NEK7: variants seen among roughly 807,000 people sequenced by gnomAD.
NEK7 encodes the protein serine/threonine-protein kinase Nek7.
NEK7 carries 18 observed loss-of-function variants against 44.6 expected under a neutral mutation model. That is an observed-to-expected ratio of 0.40 (90% CI 0.28 to 0.60). NEK7 has a LOEUF of 0.60. NEK7 is among the 20% of genes least tolerant of loss of function. The pLI is 0.38. For synonymous variants in NEK7, 130 were observed against 121.1 expected, an observed-to-expected ratio of 1.07 and a Z score of -0.48; for missense variants, 256 against 366.5, an observed-to-expected ratio of 0.70 and a Z score of 2.46.
chr1:198,160,903 T>G (rs1040087532), intron 1 of NEK7, among the ~76,000 whole-genome samples: 4 of 152,238 alleles, frequency 2.6e-5, no homozygotes, highest in Non-Finnish European at 4.4e-5. Flanking sequence ...AAATTTTTTT[T>G]ATTCTGAAGA....
chr1:198,309,806 G>A (rs927325245), intron 9 of NEK7, among the ~76,000 whole-genome samples: 2 of 152,170 alleles, frequency 1.3e-5, no homozygotes, highest in Non-Finnish European at 2.9e-5. Flanking sequence ...GTATTCCATG[G>A]TGTATATGTG....
chr1:198,160,031 T>C (rs528835101), intron 1 of NEK7, among the ~76,000 whole-genome samples: 1 of 152,272 alleles, frequency 6.6e-6, no homozygotes, highest in Non-Finnish European at 1.5e-5. Context: ...CCCTCAATTA[T>C]TGCGCATTTA....
chr1:198,196,023 T>A (rs1230322552), intron 1 of NEK7, among the ~76,000 whole-genome samples: 1 of 152,250 alleles, frequency 6.6e-6, no homozygotes, highest in Non-Finnish European at 1.5e-5. Flanking sequence ...GACATTTTTC[T>A]TCGCAGATTT....
intron 7 of NEK7, 23 bp downstream of exon 7, chr1:198,279,084 A>C: frequency 7.2e-7 from 1 of 1,389,834 alleles, no homozygotes; most frequent in Non-Finnish European, 1.0e-6. Flanking sequence ...ATATAATTTC[A>C]TTCAGTTACT....
At chr1:198,186,327 C>T (rs921848931) in intron 1 of NEK7, among the ~76,000 whole-genome samples, 2 of 152,098 alleles carry the variant, frequency 1.3e-5, no homozygotes, top group Non-Finnish European at 2.9e-5. Context: ...ATTAAACTTC[C>T]CTTTACCTTT....
At chr1:198,219,920 G>A (rs1666036588) in intron 1 of NEK7, among the ~76,000 whole-genome samples, 1 of 104,588 alleles carries the variant, frequency 9.6e-6, no homozygotes, top group South Asian at 3.9e-4. Context: ...TAATTAATAT[G>A]TGCTTTTTTG....
At chr1:198,296,736 A>G (rs1301715363) in intron 8 of NEK7, among the ~76,000 whole-genome samples, 1 of 152,110 alleles carries the variant, frequency 6.6e-6, no homozygotes, top group Non-Finnish European at 1.5e-5. Flanking sequence ...CTTCAGTTTC[A>G]TGTTTGTTCT....
At chr1:198,173,353 A>G (rs989620191) in intron 1 of NEK7, among the ~76,000 whole-genome samples, 2 of 151,824 alleles carry the variant, frequency 1.3e-5, no homozygotes, top group African/African-American at 4.8e-5. Context: ...TGCTTGAGCA[A>G]AGGAGTTTGA....
intron 9 of NEK7, among the ~76,000 whole-genome samples, chr1:198,318,097 T>C (rs1229713591): frequency 6.6e-6 from 1 of 152,142 alleles, no homozygotes; most frequent in East Asian, 1.9e-4. Context: ...AATTTCCAAG[T>C]GTAGCTAAAA....
intron 9 of NEK7, among the ~76,000 whole-genome samples, chr1:198,314,653 A>T (rs577670977): frequency 2.0e-5 from 3 of 152,112 alleles, no homozygotes; most frequent in Non-Finnish European, 4.4e-5. Flanking sequence ...CTTCTAACAG[A>T]CAGGACCCTC....
intron 5 of NEK7, among the ~76,000 whole-genome samples, chr1:198,275,439 T>TA (rs935214543): frequency 1.3e-5 from 2 of 151,366 alleles, no homozygotes; most frequent in Non-Finnish European, 3.0e-5. Context: ...ATTGCTATAT[T>TA]AAAAACTTAC....
chr1:198,266,104 T>C (rs1461783710), intron 5 of NEK7, among the ~76,000 whole-genome samples: 1 of 152,206 alleles, frequency 6.6e-6, no homozygotes, highest in South Asian at 2.1e-4. Context: ...ACTAATACAT[T>C]TATTCTTTCT....
intron 3 of NEK7, among the ~76,000 whole-genome samples, chr1:198,256,880 A>G (rs189033724): frequency 4.9e-4 from 74 of 152,294 alleles, no homozygotes; most frequent in Admixed American, 2.0e-4. Flanking sequence ...GATCTGGTAT[A>G]TGCAATCTCT....
At chr1:198,212,454 G>A (rs972669991) in intron 1 of NEK7, among the ~76,000 whole-genome samples, 1 of 152,222 alleles carries the variant, frequency 6.6e-6, no homozygotes, top group African/African-American at 2.4e-5. Flanking sequence ...ACTGCCGCCT[G>A]CTAATCCCCA....
chr1:198,310,049 C>A (rs918609928), intron 9 of NEK7, among the ~76,000 whole-genome samples: 11 of 151,608 alleles, frequency 7.3e-5, no homozygotes, highest in South Asian at 2.1e-4. Flanking sequence ...AACTAGTTTA[C>A]AGTCCCACCA....
At chr1:198,242,328 C>T (rs1460540554) in intron 2 of NEK7, among the ~76,000 whole-genome samples, 3 of 151,938 alleles carry the variant, frequency 2.0e-5, no homozygotes, top group African/African-American at 4.8e-5. Flanking sequence ...AAACCCAGAC[C>T]CCCTTACTCC....
Position 198,226,855 on chromosome 1 carries a change from G to C in NEK7, c.-28-5698G>C, listed in dbSNP as rs150430466. On this transcript the variant is annotated intron_variant, in intron 1 of 9. Coordinates refer to ENST00000367385, the MANE Select transcript of NEK7 (RefSeq NM_133494.3). ...ATAAAGAAATTCTCTGACCTGCTTT[G>C]TCTGATTGTAGATCTTTTTTTTTTC... is the stretch of plus-strand genomic sequence containing the variant. Among the ~76,000 whole-genome samples the C allele has an allele frequency of 9.0e-3, 1,044 of 116,624 alleles. 10 individuals carry two copies. The highest frequency in any genetic ancestry group is 0.027 in the African/African-American group (810 of 29,828). The allele number at this position is 116,624 out of a possible 152,430, so 76.5% of individuals were successfully genotyped here.
At chr1:198,307,597 G>T (rs540574777) in intron 9 of NEK7, among the ~76,000 whole-genome samples, 1 of 152,050 alleles carries the variant, frequency 6.6e-6, no homozygotes, top group Non-Finnish European at 1.5e-5. Flanking sequence ...CTATTCTGCC[G>T]ATTTGCTTAA....
intron 9 of NEK7, among the ~76,000 whole-genome samples, chr1:198,311,112 C>G (rs899659601): frequency 6.1e-5 from 9 of 148,702 alleles, no homozygotes; most frequent in Non-Finnish European, 1.0e-4. Flanking sequence ...CTTTTATTTC[C>G]TTGAGCAGTG....
Sources: allele counts gnomAD v4.1 joint callset (sites outside exome capture counted in the v4.1 genomes callset), GRCh38; gene constraint gnomAD v4.1.1; transcripts MANE v1.5; gene names NCBI Gene and HGNC (gene_info 2026-07-23, HGNC 2026-07-21).